Variants in SGCZ observed in about 807,000 individuals in gnomAD.
SGCZ encodes sarcoglycan zeta, also known as zeta-sarcoglycan.
In SGCZ, 40 loss-of-function variants were observed where a neutral mutation model predicts 41.3. The ratio of observed to expected loss-of-function variants is 0.97; its 90% CI spans 0.75 to 1.26. SGCZ has a LOEUF of 1.26. Ranked by LOEUF, SGCZ falls within the 50% of genes most tolerant of loss-of-function variation. The pLI is 0.00. For missense variants in SGCZ, 552 were observed against 369.8 expected (o/e 1.49, Z -4.04); for synonymous variants, 206 against 137.5 (o/e 1.50, Z -3.49).
intron 4 of SGCZ, among the ~76,000 whole-genome samples, chr8:14,209,046 A>T (rs1000034164): frequency 6.6e-6 from 1 of 152,218 alleles, no homozygotes; most frequent in Non-Finnish European, 1.5e-5. Context: ...GGGACTTGGC[A>T]TGTTCAAAAT....
At chr8:14,615,706 AG>A (rs1261639563) in intron 1 of SGCZ, among the ~76,000 whole-genome samples, 1 of 152,192 alleles carries the variant, frequency 6.6e-6, no homozygotes, top group Non-Finnish European at 1.5e-5. Context: ...CCTTAAATAA[AG>A]CAATAGTTAT....
At chr8:14,265,618 C>T (rs1799840530) in intron 3 of SGCZ, among the ~76,000 whole-genome samples, 1 of 151,750 alleles carries the variant, frequency 6.6e-6, no homozygotes, top group Non-Finnish European at 1.5e-5. Context: ...AAAGAATGTG[C>T]TCATGTAAAA....
At chr8:14,339,989 C>T (rs1349759476) in intron 2 of SGCZ, among the ~76,000 whole-genome samples, 2 of 151,938 alleles carry the variant, frequency 1.3e-5, no homozygotes, top group African/African-American at 4.8e-5. Context: ...CAGAGGAACA[C>T]TGAAGGAACA....
At chr8:14,119,369 T>G (rs1309269332) in intron 5 of SGCZ, among the ~76,000 whole-genome samples, 2 of 148,946 alleles carry the variant, frequency 1.3e-5, no homozygotes, top group East Asian at 3.9e-4. Context: ...TGTTTGTCTA[T>G]TATTGGTGTT....
At chr8:15,207,018 A>G (rs1355197375) in intron 1 of SGCZ, among the ~76,000 whole-genome samples, 1 of 152,224 alleles carries the variant, frequency 6.6e-6, no homozygotes, top group Non-Finnish European at 1.5e-5. Context: ...TTGTCAAGAA[A>G]TAACTATCAG....
intron 1 of SGCZ, among the ~76,000 whole-genome samples, chr8:14,666,404 T>C (rs562429865): frequency 2.8e-4 from 42 of 152,334 alleles, no homozygotes; most frequent in Non-Finnish European, 5.6e-4. Context: ...CCTCATTTTA[T>C]GATGGTAATT....
At chr8:14,754,865 G>A (rs531407873) in intron 1 of SGCZ, among the ~76,000 whole-genome samples, 2 of 152,108 alleles carry the variant, frequency 1.3e-5, no homozygotes, top group South Asian at 2.1e-4. Context: ...GGGACTATAG[G>A]TGTGCACCAC....
At chr8:15,017,032 T>C (rs1305408825) in intron 1 of SGCZ, among the ~76,000 whole-genome samples, 2 of 152,138 alleles carry the variant, frequency 1.3e-5, no homozygotes, top group Non-Finnish European at 2.9e-5. Flanking sequence ...AGACTCCACC[T>C]TCAACAAGAG....
intron 1 of SGCZ, among the ~76,000 whole-genome samples, chr8:14,893,575 CTTA>C (rs549691315): frequency 9.9e-5 from 15 of 152,140 alleles, no homozygotes; most frequent in Non-Finnish European, 1.9e-4. Context: ...TAACAACCAG[CTTA>C]TTATGCTCTG....
At chr8:14,475,797 A>G (rs1563354148) in intron 2 of SGCZ, among the ~76,000 whole-genome samples, 1 of 152,180 alleles carries the variant, frequency 6.6e-6, no homozygotes, top group African/African-American at 2.4e-5. Flanking sequence ...TATTAGTTCA[A>G]ATAGTACAAT....
intron 1 of SGCZ, among the ~76,000 whole-genome samples, chr8:15,076,408 A>T (rs1268400170): frequency 6.6e-6 from 1 of 152,200 alleles, no homozygotes; most frequent in Non-Finnish European, 1.5e-5. Flanking sequence ...CTGTGATTGC[A>T]GAAAGAGTTT....
intron 2 of SGCZ, among the ~76,000 whole-genome samples, chr8:14,530,398 C>A (rs1376811691): frequency 6.6e-6 from 1 of 152,044 alleles, no homozygotes; most frequent in East Asian, 1.9e-4. Flanking sequence ...GTCATGAAGA[C>A]TCTTATCTGT....
intron 2 of SGCZ, among the ~76,000 whole-genome samples, chr8:14,515,231 G>C (rs1361108037): frequency 6.6e-6 from 1 of 151,996 alleles, no homozygotes; most frequent in Non-Finnish European, 1.5e-5. Context: ...CATGTATCCA[G>C]GGCAACTGGA....
chr8:15,015,791 G>T (rs953481881), intron 1 of SGCZ, among the ~76,000 whole-genome samples: 3 of 143,822 alleles, frequency 2.1e-5, no homozygotes, highest in African/African-American at 7.6e-5. Flanking sequence ...ATAAGAAATA[G>T]CTTGGTTCTG....
At chr8:14,763,222 T>C (rs1196614875) in intron 1 of SGCZ, among the ~76,000 whole-genome samples, 2 of 152,152 alleles carry the variant, frequency 1.3e-5, no homozygotes, top group African/African-American at 4.8e-5. Flanking sequence ...GATTTCCCTT[T>C]CTAGGAGCGT....
intron 5 of SGCZ, among the ~76,000 whole-genome samples, chr8:14,143,314 C>A (rs1327802012): frequency 6.6e-6 from 1 of 152,142 alleles, no homozygotes; most frequent in South Asian, 2.1e-4. Flanking sequence ...GGATTTCTAA[C>A]CATTTTTGTA....
intron 1 of SGCZ, among the ~76,000 whole-genome samples, chr8:15,161,043 CG>C (rs1563158389): frequency 6.6e-6 from 1 of 152,042 alleles, no homozygotes; most frequent in Admixed American, 6.6e-5. Context: ...AGTCCTTCAA[CG>C]GCCTCTTTCT....
At chr8:14,156,980 A>G (rs1260850108) in intron 5 of SGCZ, among the ~76,000 whole-genome samples, 2 of 152,192 alleles carry the variant, frequency 1.3e-5, no homozygotes, top group Non-Finnish European at 2.9e-5. Flanking sequence ...ATAAAAAACT[A>G]CAGTATACTA....
At chr8:15,101,209 C>A (rs1043056031) in intron 1 of SGCZ, among the ~76,000 whole-genome samples, 1 of 151,942 alleles carries the variant, frequency 6.6e-6, no homozygotes, top group Non-Finnish European at 1.5e-5. Context: ...TTTGAACACA[C>A]CAAATGTATA....
Sources: allele counts gnomAD v4.1 joint callset (sites outside exome capture counted in the v4.1 genomes callset), GRCh38; gene constraint gnomAD v4.1.1; transcripts MANE v1.5; gene names NCBI Gene and HGNC (gene_info 2026-07-23, HGNC 2026-07-21).